Variants in NRG3 observed in about 807,000 individuals in gnomAD.
NRG3 encodes the protein neuregulin 3, also known as pro-neuregulin-3, membrane-bound isoform.
In NRG3, 31 loss-of-function variants were observed where a neutral mutation model predicts 66.9. That is an observed-to-expected ratio of 0.46 (90% confidence interval 0.35 to 0.63). NRG3 has a LOEUF of 0.63. NRG3 is among the 20% of genes least tolerant of loss of function. The probability of loss-of-function intolerance (pLI) is 0.00; values close to 1 mark genes in which losing one functional copy is unlikely to be tolerated. For missense variants in NRG3, 910 were observed against 878.9 expected (o/e 1.04, Z -0.45); for synonymous variants, 393 against 359.4 (o/e 1.09, Z -1.06).
At chr10:82,345,339 GT>G (rs2082941981) in intron 1 of NRG3, among the ~76,000 whole-genome samples, 1 of 149,160 alleles carries the variant, frequency 6.7e-6, no homozygotes, top group African/African-American at 2.6e-5. Context: ...TCCATTGCTT[GT>G]TTTTGTCAGG....
At chr10:82,734,080 C>G (rs1203605626) in intron 2 of NRG3, among the ~76,000 whole-genome samples, 1 of 152,208 alleles carries the variant, frequency 6.6e-6, no homozygotes, top group African/African-American at 2.4e-5. Flanking sequence ...ATCTGCTTTA[C>G]CACACCAGGC....
At chr10:82,720,063 A>G (rs1007703816) in intron 2 of NRG3, among the ~76,000 whole-genome samples, 1 of 152,172 alleles carries the variant, frequency 6.6e-6, no homozygotes, top group Non-Finnish European at 1.5e-5. Flanking sequence ...TATCTGTACA[A>G]TAAGTCTAAA....
chr10:82,865,494 A>T (rs1840625593), intron 4 of NRG3, 57 bp downstream of exon 4: 2 of 1,506,562 alleles, frequency 1.3e-6, no homozygotes, highest in Non-Finnish European at 1.8e-6. Flanking sequence ...TTTATGATGT[A>T]CATAGTGCTT....
At chr10:82,194,583 G>A (rs968257012) in intron 1 of NRG3, among the ~76,000 whole-genome samples, 39 of 152,128 alleles carry the variant, frequency 2.6e-4, no homozygotes, top group Admixed American at 1.9e-3. Flanking sequence ...CTGCCTCCCC[G>A]TAGTTCGTGA....
At chr10:82,355,489 A>G (rs1016580514) in intron 1 of NRG3, among the ~76,000 whole-genome samples, 1 of 152,184 alleles carries the variant, frequency 6.6e-6, no homozygotes, top group Admixed American at 6.5e-5. Context: ...AGATGTACAA[A>G]TGTAGGAGGA....
chr10:82,522,873 T>G (rs753187705), intron 2 of NRG3, among the ~76,000 whole-genome samples: 25 of 152,214 alleles, frequency 1.6e-4, no homozygotes, highest in Non-Finnish European at 2.6e-4. Flanking sequence ...ACAGTAGACA[T>G]TTTTGCTACT....
intron 2 of NRG3, among the ~76,000 whole-genome samples, chr10:82,596,992 T>C (rs1228935498): frequency 1.3e-5 from 2 of 151,912 alleles, no homozygotes; most frequent in African/African-American, 2.4e-5. Flanking sequence ...ACACCTGCAC[T>C]GCATCATCCT....
At chr10:82,228,072 A>T (rs958548455) in intron 1 of NRG3, among the ~76,000 whole-genome samples, 1 of 152,186 alleles carries the variant, frequency 6.6e-6, no homozygotes. Context: ...GAGAATATCA[A>T]CAGGGCCTTC....
chr10:82,412,871 A>C (rs2088212032), intron 2 of NRG3, among the ~76,000 whole-genome samples: 1 of 152,184 alleles, frequency 6.6e-6, no homozygotes, highest in African/African-American at 2.4e-5. Flanking sequence ...CTCTTCCCTA[A>C]GAAACAATGC....
chr10:82,853,806 T>C (rs1210348720), intron 3 of NRG3, among the ~76,000 whole-genome samples: 1 of 152,198 alleles, frequency 6.6e-6, no homozygotes, highest in African/African-American at 2.4e-5. Context: ...TCTTGTCTGA[T>C]TGCTCTGGTT....
intron 7 of NRG3, among the ~76,000 whole-genome samples, chr10:82,975,277 G>A (rs546076964): frequency 6.6e-6 from 1 of 152,308 alleles, no homozygotes; most frequent in South Asian, 2.1e-4. Context: ...ACACGTTAAA[G>A]TAGTATTCCA....
intron 2 of NRG3, among the ~76,000 whole-genome samples, chr10:82,582,839 CA>C (rs1166559767): frequency 1.3e-5 from 2 of 152,128 alleles, no homozygotes; most frequent in East Asian, 3.9e-4. Flanking sequence ...TTATTTAATC[CA>C]AAGTGGAAAG....
chr10:81,964,822 G>A (rs2059671114), intron 1 of NRG3, among the ~76,000 whole-genome samples: 1 of 151,968 alleles, frequency 6.6e-6, no homozygotes, highest in Non-Finnish European at 1.5e-5. Flanking sequence ...CCATTTCCAT[G>A]TTCATTAATT....
intron 1 of NRG3, among the ~76,000 whole-genome samples, chr10:81,899,932 A>T (rs891489169): frequency 1.3e-5 from 2 of 151,822 alleles, no homozygotes; most frequent in African/African-American, 4.8e-5. Context: ...CTGTGTGTTT[A>T]CATATTTTAA....
chr10:82,628,267 C>A (rs1165092083), intron 2 of NRG3, among the ~76,000 whole-genome samples: 1 of 152,108 alleles, frequency 6.6e-6, no homozygotes, highest in Non-Finnish European at 1.5e-5. Flanking sequence ...TAGGCTTTTT[C>A]TGCAGTAAAT....
intron 2 of NRG3, among the ~76,000 whole-genome samples, chr10:82,649,991 G>T (rs1565166137): frequency 6.6e-6 from 1 of 152,040 alleles, no homozygotes; most frequent in Non-Finnish European, 1.5e-5. Context: ...AACCCTGTAA[G>T]CTTCTCAAAC....
intron 4 of NRG3, among the ~76,000 whole-genome samples, chr10:82,913,701 C>T (rs61858810): frequency 0.071 from 10,840 of 152,152 alleles, 544 homozygotes; most frequent in Non-Finnish European, 0.11. Flanking sequence ...GAGGTGTTTT[C>T]CCTTCCCACC....
intron 1 of NRG3, among the ~76,000 whole-genome samples, chr10:82,058,318 A>G (rs893915049): frequency 1.3e-5 from 2 of 151,860 alleles, no homozygotes; most frequent in African/African-American, 4.8e-5. Context: ...TTAAGTTTTT[A>G]TATAGTCAAA....
At chr10:82,309,424 T>C (rs1349853767) in intron 1 of NRG3, among the ~76,000 whole-genome samples, 2 of 152,032 alleles carry the variant, frequency 1.3e-5, no homozygotes, top group Non-Finnish European at 2.9e-5. Flanking sequence ...CCTAGTTACA[T>C]TGAGGGTGAT....
Sources: allele counts gnomAD v4.1 joint callset (sites outside exome capture counted in the v4.1 genomes callset), GRCh38; gene constraint gnomAD v4.1.1; transcripts MANE v1.5; gene names NCBI Gene and HGNC (gene_info 2026-07-23, HGNC 2026-07-21).